The following NUDT21 variants were observed in gnomAD, a reference collection of about 807,000 sequenced individuals.
NUDT21 encodes the protein cleavage and polyadenylation specificity factor subunit 5.
A neutral mutation model predicts 29.8 loss-of-function variants in NUDT21; 5 were observed. The ratio of observed to expected loss-of-function variants is 0.17; its 90% CI spans 0.09 to 0.35. The LOEUF (loss-of-function observed/expected upper bound fraction) is 0.35, where lower values mean the gene tolerates loss of function less well. NUDT21 is among the 10% of genes least tolerant of loss of function. The pLI, the probability that NUDT21 is intolerant of heterozygous loss-of-function variation, is 1.00. For missense variants in NUDT21, 76 were observed against 276.0 expected (o/e 0.28, Z 5.13); for synonymous variants, 113 against 98.5 (o/e 1.15, Z -0.87).
rs1962046634 is a variant in NUDT21, at chr16:56,432,605, A to G, written c.*107T>C. ...AGAAAGGTGGCAATTTAGGGATCGC[A>G]AAAGAGATAAAACCAAAAAAACTTT... is the stretch of plus-strand genomic sequence containing the variant. On this transcript the variant is annotated 3_prime_UTR_variant, in exon 7 of 7. Coordinates refer to ENST00000300291, the MANE Select transcript of NUDT21 (RefSeq NM_007006.3). 1 of 827,596 alleles carries G rather than the reference A, an allele frequency of 1.2e-6. No homozygotes were observed. The highest frequency in any genetic ancestry group is 1.7e-5 in the African/African-American group (1 of 58,002). The allele number at this position is 827,596 out of a possible 1,614,324, so 51.3% of individuals were successfully genotyped here.
At position 56,446,777 on chromosome 16, in the gene NUDT21, C is replaced by T. The variant is rs1365238823; in HGVS notation, c.318-88G>A. The T allele has an allele frequency of 3.8e-6, 3 of 790,832 alleles. No homozygotes were observed. The East Asian group carries it at 8.1e-5, about 21-fold the overall frequency. 49.0% of individuals were successfully genotyped at this position (790,832 alleles called of 1,614,324 possible). On this transcript the variant is annotated intron_variant, in intron 2 of 6. Coordinates refer to ENST00000300291, the MANE Select transcript of NUDT21 (RefSeq NM_007006.3). ...AATAATTGTTATTTCTACCAAGTCA[C>T]TAAGAACATATTTCAGCATAATAAG...
chr16:56,447,415 A>G (rs1335755907), intron 2 of NUDT21, among the ~76,000 whole-genome samples: 1 of 152,212 alleles, frequency 6.6e-6, no homozygotes, highest in Non-Finnish European at 1.5e-5. Flanking sequence ...ATAAAACACT[A>G]AACTGTTATC....
Position 56,432,613 on chromosome 16 carries a change from T to C in NUDT21, c.*99A>G. The C allele has an allele frequency of 9.9e-7, 1 of 1,007,672 alleles. No individual in the cohort carries two copies. Among genetic ancestry groups the C allele is most frequent in the Non-Finnish European group, 1.4e-6 (1 of 698,508 alleles). 62.4% of individuals were successfully genotyped at this position (1,007,672 alleles called of 1,614,324 possible). On this transcript the variant is annotated 3_prime_UTR_variant, in exon 7 of 7. Coordinates refer to ENST00000300291, the MANE Select transcript of NUDT21 (RefSeq NM_007006.3). ...GGCAATTTAGGGATCGCAAAAGAGA[T>C]AAAACCAAAAAAACTTTTCTACCAC...
In NUDT21 at chr16:56,430,219, TCA is replaced by T. The variant is rs1476770431; in HGVS notation, c.*2491_*2492del. 3.3e-5 allele frequency: 5 copies of T among 152,338 alleles called. No individual in the cohort carries two copies. The South Asian group carries it at 6.2e-4, about 19-fold the overall frequency. 9.4% of individuals were successfully genotyped at this position (152,338 alleles called of 1,614,324 possible). A position where few individuals can be genotyped will look rare whatever the true frequency, so the allele number is the denominator to read the frequency against. ...AAGTATTATCTACTTTTTTAAAAAA[TCA>T]CAGTGGTCTTCATCACATGGCGAAA... On this transcript the variant is annotated 3_prime_UTR_variant, in exon 7 of 7. Transcript: ENST00000300291.
rs548234089 is a variant in NUDT21, at chr16:56,441,525, G to A, written c.382-1779C>T. 7.2e-5 allele frequency among the ~76,000 whole-genome samples: 11 copies of A among 152,244 alleles called. No individual in the cohort carries two copies. The South Asian group carries it at 1.2e-3, about 17-fold the overall frequency. On this transcript the variant is annotated intron_variant, in intron 3 of 6. Coordinates refer to ENST00000300291, the MANE Select transcript of NUDT21 (RefSeq NM_007006.3). ...TGGGATTACTGGCGTGAGCCACTGC[G>A]CCTGGCCTCTTGATTTTCATTTTAA...
chr16:56,451,022 G>C (rs1246209101), intron 1 of NUDT21, 65 bp downstream of exon 1: 6 of 1,369,150 alleles, frequency 4.4e-6, no homozygotes, highest in African/African-American at 1.4e-5. Context: ...AAAGCCGGGG[G>C]CGCGTCGGAG....
intron 1 of NUDT21, among the ~76,000 whole-genome samples, chr16:56,448,790 C>T (rs1024026143): frequency 2.0e-5 from 3 of 152,128 alleles, no homozygotes; most frequent in Non-Finnish European, 2.9e-5. Context: ...TAAAGCCTTA[C>T]AGCAAGAAGC....
intron 3 of NUDT21, among the ~76,000 whole-genome samples, chr16:56,444,410 C>T (rs1962193525): frequency 1.3e-5 from 2 of 151,838 alleles, no homozygotes; most frequent in African/African-American, 4.8e-5. Context: ...ACGGTGAAAC[C>T]CCATCTCTAC....
intron 6 of NUDT21, among the ~76,000 whole-genome samples, chr16:56,434,024 T>C (rs1213776925): frequency 6.6e-6 from 1 of 152,228 alleles, no homozygotes; most frequent in Non-Finnish European, 1.5e-5. Flanking sequence ...TCCGCTCATA[T>C]TTACACACTG....
chr16:56,439,337 G>GA (rs1962136437), intron 4 of NUDT21: 2 of 258,612 alleles, frequency 7.7e-6, no homozygotes, highest in Non-Finnish European at 1.5e-5. Flanking sequence ...AAACCCAGCT[G>GA]ATTTTTACAT....
chr16:56,432,801 A>T, intron 6 of NUDT21, 68 bp from the exon 7 acceptor site: 4 of 1,170,088 alleles, frequency 3.4e-6, no homozygotes, highest in Non-Finnish European at 4.9e-6. Context: ...TAGATAAATA[A>T]ATTTATCTGG....
At chr16:56,437,568 CTCAAGACTCAACATGGAAA>C (rs1962116970) in intron 4 of NUDT21, among the ~76,000 whole-genome samples, 1 of 152,310 alleles carries the variant, frequency 6.6e-6, no homozygotes, top group South Asian at 2.1e-4. Context: ...TCAACAAGCA[CTCAAGACTCAACATGGAAA>C]TGCAAGGGAG....
At chr16:56,450,549 T>C (rs943269572) in intron 1 of NUDT21, among the ~76,000 whole-genome samples, 1 of 152,192 alleles carries the variant, frequency 6.6e-6, no homozygotes, top group Non-Finnish European at 1.5e-5. Flanking sequence ...CAGACAGCCC[T>C]GAGCACATGA....
intron 1 of NUDT21, among the ~76,000 whole-genome samples, chr16:56,450,708 C>CAA (rs1166105322): frequency 1.3e-5 from 2 of 152,204 alleles, no homozygotes; most frequent in African/African-American, 4.8e-5. Flanking sequence ...CGTATCACAT[C>CAA]AACACTCACA....
Position 56,434,664 on chromosome 16 carries a change from A to G in NUDT21, c.547+90T>C, listed in dbSNP as rs563354085. The G allele has an allele frequency of 1.5e-5, 14 of 942,598 alleles. No homozygotes were observed. In the African/African-American group the frequency reaches 2.3e-4, roughly 16 times the overall value. The allele number at this position is 942,598 out of a possible 1,614,324, so 58.4% of individuals were successfully genotyped here. On this transcript the variant is annotated intron_variant, in intron 5 of 6. Coordinates refer to ENST00000300291, the MANE Select transcript of NUDT21 (RefSeq NM_007006.3). ...AGTTTTACAACAAACCCAAAAGTTC[A>G]AGGAACTTTGAGAAAACACAAATAG...
intron 3 of NUDT21, 112 bp downstream of exon 3, chr16:56,446,514 G>T: frequency 1.7e-6 from 1 of 604,810 alleles, no homozygotes; most frequent in Non-Finnish European, 2.9e-6. Context: ...TGGAGTTTAA[G>T]TTGTATTTAT....
chr16:56,450,379 A>G (rs1270206625), intron 1 of NUDT21, among the ~76,000 whole-genome samples: 2 of 152,214 alleles, frequency 1.3e-5, no homozygotes, highest in Non-Finnish European at 2.9e-5. Context: ...AATAAAACAC[A>G]GCCCACAATG....
intron 1 of NUDT21, chr16:56,449,171 T>A (rs967702251): frequency 6.6e-6 from 1 of 152,212 alleles, no homozygotes; most frequent in African/African-American, 2.4e-5. Flanking sequence ...TCTGACAACC[T>A]GAGTTAGAAA....
At chr16:56,435,743 T>TTACATATATATA (rs1962091919) in intron 4 of NUDT21, among the ~76,000 whole-genome samples, 1 of 27,070 alleles carries the variant, frequency 3.7e-5, no homozygotes, top group African/African-American at 1.4e-4. Context: ...AAAAAAAAAA[T>TTACATATATATA]TATATATATA....
Sources: gnomAD v4.1 joint callset for allele counts (sites outside exome capture counted in the v4.1 genomes callset) on GRCh38, gnomAD v4.1.1 for gene constraint, MANE v1.5 for transcripts, NCBI Gene and HGNC (gene_info 2026-07-23, HGNC 2026-07-21) for gene names.